Variants in FAM53B observed in about 807,000 individuals in gnomAD.
FAM53B encodes the protein protein FAM53B.
FAM53B carries 12 observed loss-of-function variants against 32.7 expected under a neutral mutation model. The observed-to-expected ratio is 0.37, with a 90% CI of 0.24 to 0.59. FAM53B has a LOEUF of 0.59. Ranked by LOEUF, FAM53B falls within the 20% of genes least tolerant of loss-of-function variation. FAM53B has a pLI of 0.72. For synonymous variants in FAM53B, 234 were observed against 228.7 expected (o/e 1.02, Z -0.21); for missense variants, 477 against 577.7 (o/e 0.83, Z 1.79).
At chr10:124,662,048 T>C (rs1407721423) in intron 4 of FAM53B, among the ~76,000 whole-genome samples, 1 of 152,192 alleles carries the variant, frequency 6.6e-6, no homozygotes, top group African/African-American at 2.4e-5. Context: ...TCCATGACTC[T>C]AGCCCTCACT....
chr10:124,710,546 A>C (rs1179798379), intron 1 of FAM53B, among the ~76,000 whole-genome samples: 1 of 152,190 alleles, frequency 6.6e-6, no homozygotes, highest in Non-Finnish European at 1.5e-5. Flanking sequence ...CCCAGTCTGC[A>C]AACAGGGTCA....
At chr10:124,695,766 T>C (rs1453013225) in intron 3 of FAM53B, among the ~76,000 whole-genome samples, 1 of 152,246 alleles carries the variant, frequency 6.6e-6, no homozygotes. Flanking sequence ...CATAATTATA[T>C]GTTCATCGTG....
chr10:124,648,962 G>A (rs1161256150), intron 4 of FAM53B, among the ~76,000 whole-genome samples: 1 of 152,248 alleles, frequency 6.6e-6, no homozygotes, highest in East Asian at 1.9e-4. Flanking sequence ...AACTGGTGGG[G>A]GATGAGAGCT....
intron 4 of FAM53B, among the ~76,000 whole-genome samples, chr10:124,658,573 G>GA (rs1949610413): frequency 6.6e-6 from 1 of 152,206 alleles, no homozygotes; most frequent in Non-Finnish European, 1.5e-5. Flanking sequence ...AATGGTGCTG[G>GA]ACCTTTGAGA....
At chr10:124,639,186 A>C (rs1949454584) in intron 4 of FAM53B, among the ~76,000 whole-genome samples, 1 of 152,174 alleles carries the variant, frequency 6.6e-6, no homozygotes, top group South Asian at 2.1e-4. Flanking sequence ...ACAGGGATTC[A>C]GAGGTGGGCC....
At chr10:124,659,435 T>G (rs1949615438) in intron 4 of FAM53B, among the ~76,000 whole-genome samples, 1 of 152,236 alleles carries the variant, frequency 6.6e-6, no homozygotes, top group African/African-American at 2.4e-5. Flanking sequence ...GAAGTGGTCT[T>G]GGTTACAGTA....
chr10:124,644,020 C>T (rs973915638), intron 4 of FAM53B, among the ~76,000 whole-genome samples: 57 of 150,044 alleles, frequency 3.8e-4, no homozygotes, highest in African/African-American at 1.4e-3. Context: ...GAAGAAAGGG[C>T]AAAACTGGCC....
At chr10:124,717,345 T>C (rs1950043553) in intron 1 of FAM53B, among the ~76,000 whole-genome samples, 1 of 152,178 alleles carries the variant, frequency 6.6e-6, no homozygotes, top group Admixed American at 6.5e-5. Context: ...CACAGGCAAA[T>C]GGCAACTCTG....
intron 4 of FAM53B, among the ~76,000 whole-genome samples, chr10:124,669,088 G>C (rs76174042): frequency 6.6e-6 from 1 of 152,182 alleles, no homozygotes; most frequent in Admixed American, 6.5e-5. Context: ...AAGCCATTTT[G>C]GGGGGTGTAG....
chr10:124,642,191 C>T (rs1375202768), intron 4 of FAM53B, among the ~76,000 whole-genome samples: 1 of 152,246 alleles, frequency 6.6e-6, no homozygotes, highest in African/African-American at 2.4e-5. Context: ...CTGTCTCTCA[C>T]CCTCAAGAAC....
chr10:124,689,971 C>T lies in FAM53B; in HGVS notation c.133+6187G>A, dbSNP rs1371401904. 2.6e-5 allele frequency among the ~76,000 whole-genome samples: 4 copies of T among 152,252 alleles called. No homozygotes were observed. The South Asian group carries it at 8.3e-4, about 31-fold the overall frequency. Reference sequence around the variant, plus strand: ...ATGTACAGGGAACAGCTAGTATTTGCACTGGCAACAAGAACTCTGAAGGGA... The same window carrying T: ...ATGTACAGGGAACAGCTAGTATTTGTACTGGCAACAAGAACTCTGAAGGGA... On this transcript the variant is annotated intron_variant, in intron 3 of 4. Coordinates refer to ENST00000337318, the MANE Select transcript of FAM53B (RefSeq NM_014661.4).
intron 4 of FAM53B, among the ~76,000 whole-genome samples, chr10:124,659,403 G>A (rs1418526587): frequency 1.3e-5 from 2 of 152,340 alleles, no homozygotes; most frequent in South Asian, 2.1e-4. Context: ...CAGTGCTAGG[G>A]CCAGAGCTAA....
intron 4 of FAM53B, among the ~76,000 whole-genome samples, chr10:124,660,194 T>C (rs1345054290): frequency 6.6e-6 from 1 of 152,148 alleles, no homozygotes; most frequent in Non-Finnish European, 1.5e-5. Flanking sequence ...TTCCACCATA[T>C]GGAGCGGAAG....
At chr10:124,646,309 C>T (rs1021975906) in intron 4 of FAM53B, among the ~76,000 whole-genome samples, 11 of 152,326 alleles carry the variant, frequency 7.2e-5, no homozygotes, top group African/African-American at 2.4e-4. Context: ...ATGTTTCCAT[C>T]GTGGCTTCAA....
At chr10:124,739,927 C>T (rs1950191313) in intron 1 of FAM53B, among the ~76,000 whole-genome samples, 1 of 151,978 alleles carries the variant, frequency 6.6e-6, no homozygotes, top group Non-Finnish European at 1.5e-5. Context: ...AGCATTTCCC[C>T]CTCTCAATCA....
rs76650661 is a variant in FAM53B, at chr10:124,688,014, G to A, written c.134-5635C>T. Reference sequence around the variant, plus strand: ...GGCTAATTCCAGGAAGAAGTATGGAGAAGGATCACTTCACCCATCAGAGGT... The same window carrying A: ...GGCTAATTCCAGGAAGAAGTATGGAAAAGGATCACTTCACCCATCAGAGGT... On this transcript the variant is annotated intron_variant, in intron 3 of 4. Coordinates refer to ENST00000337318, the MANE Select transcript of FAM53B (RefSeq NM_014661.4). Among the ~76,000 whole-genome samples, 351 of 152,338 alleles carry A rather than the reference G, an allele frequency of 2.3e-3. 3 individuals are homozygous for A. The highest frequency in any genetic ancestry group is 8.2e-3 in the African/African-American group (339 of 41,564).
chr10:124,717,646 C>T (rs1372840799), intron 1 of FAM53B, among the ~76,000 whole-genome samples: 1 of 152,212 alleles, frequency 6.6e-6, no homozygotes, highest in Non-Finnish European at 1.5e-5. Flanking sequence ...GTTGCAGAAC[C>T]TGCCCCTCTC....
intron 4 of FAM53B, among the ~76,000 whole-genome samples, chr10:124,661,069 A>AAAAAC (rs1394884975): frequency 2.6e-5 from 4 of 151,720 alleles, no homozygotes; most frequent in African/African-American, 9.7e-5. Flanking sequence ...AAAAAAAAAA[A>AAAAAC]AAAAAAAACA....
At chr10:124,721,542 C>T (rs1950068586) in intron 1 of FAM53B, among the ~76,000 whole-genome samples, 2 of 152,234 alleles carry the variant, frequency 1.3e-5, no homozygotes, top group African/African-American at 2.4e-5. Flanking sequence ...AACCACACCC[C>T]TGGGCGAACC....
Sources: gnomAD v4.1 joint callset for allele counts (sites outside exome capture counted in the v4.1 genomes callset) on GRCh38, gnomAD v4.1.1 for gene constraint, MANE v1.5 for transcripts, NCBI Gene and HGNC (gene_info 2026-07-23, HGNC 2026-07-21) for gene names.